The following KCNIP1 variants were observed in gnomAD, a reference collection of about 807,000 sequenced individuals.
The protein encoded by KCNIP1 is potassium voltage-gated channel interacting protein 1, also known as A-type potassium channel modulatory protein KCNIP1.
KCNIP1 carries 18 observed loss-of-function variants against 33.0 expected under a neutral mutation model. The ratio of observed to expected loss-of-function variants is 0.55; its 90% CI spans 0.38 to 0.81. The LOEUF is 0.81. KCNIP1 is among the 30% of genes least tolerant of loss of function. The pLI is 0.00. For synonymous variants in KCNIP1, 93 were observed against 98.3 expected, an observed-to-expected ratio of 0.95 and a Z score of 0.32; for missense variants, 238 against 271.6, an observed-to-expected ratio of 0.88 and a Z score of 0.87.
intron 1 of KCNIP1, among the ~76,000 whole-genome samples, chr5:170,379,746 C>A (rs761371007): frequency 6.6e-6 from 1 of 151,866 alleles, no homozygotes. Context: ...CCCAGGAGTT[C>A]GAGACTAGCC....
intron 1 of KCNIP1, among the ~76,000 whole-genome samples, chr5:170,693,245 C>T (rs796525958): frequency 8.6e-4 from 23 of 26,766 alleles, no homozygotes; most frequent in African/African-American, 3.9e-3. Context: ...GACGGGCCAG[C>T]CCCCATCCCC....
chr5:170,699,101 C>T (rs1763001822), intron 1 of KCNIP1, among the ~76,000 whole-genome samples: 1 of 152,138 alleles, frequency 6.6e-6, no homozygotes, highest in South Asian at 2.1e-4. Context: ...TAAAAATAAT[C>T]TTTATGAATT....
intron 1 of KCNIP1, among the ~76,000 whole-genome samples, chr5:170,528,821 G>A (rs1212698687): frequency 6.6e-6 from 1 of 152,172 alleles, no homozygotes; most frequent in Non-Finnish European, 1.5e-5. Flanking sequence ...TTGTGCTGGC[G>A]CTGTCTCTGT....
chr5:170,720,379 T>G lies in KCNIP1; in HGVS notation c.245T>G (p.Phe82Cys). The G allele has an allele frequency of 1.2e-6, 2 of 1,613,770 alleles. No individual in the cohort carries two copies. The highest frequency in any genetic ancestry group is 1.7e-6 in the Non-Finnish European group (2 of 1,179,650). Reference protein sequence around the residue: ...DTFKQIYAQFFPHGDASTYAH... With the variant: ...DTFKQIYAQFCPHGDASTYAH... ...TTCAAGCAGATCTATGCTCAGTTTT[T>G]CCCTCATGGAGGTGAGTCTGACCTT... Residue 82 changes from phenylalanine to cysteine, a missense_variant, in exon 3 of 8, where the codon TTC becomes TGC. Physicochemically the swap from Phe to Cys is radical, Grantham distance 205 (BLOSUM62 -2). Coordinates refer to ENST00000328939, the MANE Select transcript of KCNIP1 (RefSeq NM_014592.4).
At chr5:170,411,442 G>C (rs1755186053) in intron 1 of KCNIP1, among the ~76,000 whole-genome samples, 3 of 152,222 alleles carry the variant, frequency 2.0e-5, no homozygotes. Flanking sequence ...AGGGGACAGA[G>C]AGTGAGAGAA....
At chr5:170,597,031 A>G (rs1173382678) in intron 1 of KCNIP1, among the ~76,000 whole-genome samples, 1 of 152,216 alleles carries the variant, frequency 6.6e-6, no homozygotes, top group African/African-American at 2.4e-5. Flanking sequence ...ACAGAATTTA[A>G]GTAACATATT....
chr5:170,676,990 T>A (rs937781532), intron 1 of KCNIP1, among the ~76,000 whole-genome samples: 1 of 152,104 alleles, frequency 6.6e-6, no homozygotes, highest in African/African-American at 2.4e-5. Flanking sequence ...GAAGTCTGAT[T>A]CCCCTACCTG....
chr5:170,678,378 T>C (rs1241499128), intron 1 of KCNIP1: 2 of 152,190 alleles, frequency 1.3e-5, no homozygotes, highest in African/African-American at 4.8e-5. Context: ...AGTAGGTAAG[T>C]CTTTCTGGTT....
At chr5:170,579,292 A>C (rs1373193705) in intron 1 of KCNIP1, among the ~76,000 whole-genome samples, 3 of 152,180 alleles carry the variant, frequency 2.0e-5, no homozygotes, top group Admixed American at 6.5e-5. Context: ...GCTGGTTTAG[A>C]ATATAGCATT....
intron 1 of KCNIP1, among the ~76,000 whole-genome samples, chr5:170,664,725 G>A (rs1761638850): frequency 6.6e-6 from 1 of 152,128 alleles, no homozygotes. Context: ...TTAGTGGGGA[G>A]CAAAGCAAAA....
chr5:170,728,012 G>A (rs2113887932), intron 5 of KCNIP1, among the ~76,000 whole-genome samples: 1 of 152,282 alleles, frequency 6.6e-6, no homozygotes, highest in Admixed American at 6.5e-5. Flanking sequence ...TGCAGGAATA[G>A]CCCAGTAGCA....
In KCNIP1 at chr5:170,504,298, G is replaced by A. The variant is rs888542841; in HGVS notation, c.-275G>A. On this transcript the variant is annotated 5_prime_UTR_variant, in exon 1 of 8. Coordinates refer to ENST00000328939, the MANE Select transcript of KCNIP1 (RefSeq NM_014592.4). This position sits in a 1 kb window ranked among gnomAD's most constrained non-coding sequence, Gnocchi z 6.0. ...TTCAGGGCACCGTCCTCGGCCCTGG[G>A]CGAGGGAACCGCCGGGCCGGGTCCT... The A allele has an allele frequency of 9.7e-6, 13 of 1,338,396 alleles. No individual in the cohort carries two copies. Among genetic ancestry groups the A allele is most frequent in the Admixed American group, 3.6e-5 (1 of 27,668 alleles). The allele number at this position is 1,338,396 out of a possible 1,614,324, so 82.9% of individuals were successfully genotyped here.
intron 1 of KCNIP1, among the ~76,000 whole-genome samples, chr5:170,637,977 C>A (rs1394198522): frequency 6.6e-6 from 1 of 150,742 alleles, no homozygotes; most frequent in African/African-American, 2.4e-5. Context: ...CATTCTCCAC[C>A]CTCCCAGTTC....
intron 1 of KCNIP1, among the ~76,000 whole-genome samples, chr5:170,538,683 C>T (rs1227951136): frequency 6.6e-6 from 1 of 151,842 alleles, no homozygotes; most frequent in Non-Finnish European, 1.5e-5. Flanking sequence ...CCAAAACTCT[C>T]AGTTTATGGA....
At chr5:170,723,868 C>T (rs1368114289) in intron 5 of KCNIP1, among the ~76,000 whole-genome samples, 2 of 152,194 alleles carry the variant, frequency 1.3e-5, no homozygotes, top group African/African-American at 4.8e-5. Flanking sequence ...GCAGAAGGAA[C>T]AGCCACTAGA....
intron 1 of KCNIP1, among the ~76,000 whole-genome samples, chr5:170,704,205 T>TGGGGAATCGTCTGGA (rs1554113076): frequency 2.4e-5 from 3 of 122,708 alleles, no homozygotes; most frequent in African/African-American, 6.9e-5. Context: ...TGACAGGGAT[T>TGGGGAATCGTCTGGA]AGTCTCTGTG....
intron 1 of KCNIP1, among the ~76,000 whole-genome samples, chr5:170,600,743 C>T (rs1758658936): frequency 6.6e-6 from 1 of 152,244 alleles, no homozygotes; most frequent in African/African-American, 2.4e-5. Flanking sequence ...AGAGCTTAAG[C>T]TCTGCATCCA....
At chr5:170,732,365 T>G in intron 5 of KCNIP1, among the ~76,000 whole-genome samples, 1 of 152,228 alleles carries the variant, frequency 6.6e-6, no homozygotes, top group Admixed American at 6.5e-5. Flanking sequence ...ACTATTGGCC[T>G]CATGTGCCCT....
At chr5:170,608,551 C>T (rs1479454899) in intron 1 of KCNIP1, among the ~76,000 whole-genome samples, 1 of 152,154 alleles carries the variant, frequency 6.6e-6, no homozygotes, top group Non-Finnish European at 1.5e-5. Flanking sequence ...GCATGTGGAT[C>T]ATCTGAGGTC....
Sources: allele counts gnomAD v4.1 joint callset (sites outside exome capture counted in the v4.1 genomes callset), GRCh38; gene constraint gnomAD v4.1.1; non-coding constraint Gnocchi (gnomAD v3.1); transcripts MANE v1.5; gene names NCBI Gene and HGNC (gene_info 2026-07-23, HGNC 2026-07-21).